Variants in DLGAP1 observed in about 807,000 individuals in gnomAD.
DLGAP1 encodes DLG associated protein 1.
DLGAP1 carries 11 observed loss-of-function variants against 90.8 expected under a neutral mutation model. The ratio of observed to expected loss-of-function variants is 0.12; its 90% confidence interval spans 0.08 to 0.20. The LOEUF is 0.20. Among genes scored for constraint, DLGAP1 ranks in the 10% least tolerant of loss-of-function variants. The pLI, the probability that DLGAP1 is intolerant of heterozygous loss-of-function variation, is 1.00. For synonymous variants in DLGAP1, 558 were observed against 540.7 expected, an observed-to-expected ratio of 1.03 and a Z score of -0.44; for missense variants, 1,050 against 1,333.8, an observed-to-expected ratio of 0.79 and a Z score of 3.31.
At chr18:4,317,606 T>C (rs1035924614) in intron 1 of DLGAP1, among the ~76,000 whole-genome samples, 1 of 152,230 alleles carries the variant, frequency 6.6e-6, no homozygotes, top group Non-Finnish European at 1.5e-5. Flanking sequence ...TTCACTGAAT[T>C]CAGATATTAA....
At chr18:4,210,112 G>C (rs565510068) in intron 1 of DLGAP1, among the ~76,000 whole-genome samples, 1 of 152,230 alleles carries the variant, frequency 6.6e-6, no homozygotes, top group Admixed American at 6.5e-5. Context: ...CCTTCCATTT[G>C]TTCCCATGGA....
At chr18:3,551,698 CCCTCCCTCCCTCCCT>C (rs2053459476) in intron 9 of DLGAP1, among the ~76,000 whole-genome samples, 1 of 15,840 alleles carries the variant, frequency 6.3e-5, no homozygotes, top group Non-Finnish European at 1.1e-4. Flanking sequence ...CTCCCTCCCT[CCCTCCCTCCCTCCCT>C]CCCTCCCTCC....
chr18:4,263,036 G>A (rs530720479), intron 1 of DLGAP1, among the ~76,000 whole-genome samples: 5 of 152,016 alleles, frequency 3.3e-5, no homozygotes, highest in Non-Finnish European at 5.9e-5. Flanking sequence ...GTGTTCAAGC[G>A]ATTCTCCTGC....
intron 7 of DLGAP1, among the ~76,000 whole-genome samples, chr18:3,710,319 CT>C (rs1428905966): frequency 6.6e-6 from 1 of 152,202 alleles, no homozygotes; most frequent in African/African-American, 2.4e-5. Flanking sequence ...TCACCTGCCC[CT>C]GCAGATTTTT....
At chr18:4,440,208 A>G (rs887579445) in intron 1 of DLGAP1, among the ~76,000 whole-genome samples, 3 of 150,796 alleles carry the variant, frequency 2.0e-5, no homozygotes, top group African/African-American at 7.3e-5. Context: ...AGGACTGGGG[A>G]GTTATGAGGG....
chr18:3,797,297 G>T lies in DLGAP1; in HGVS notation c.1172+16762C>A, dbSNP rs138099313. On this transcript the variant is annotated intron_variant, in intron 5 of 12. Transcript: ENST00000315677. ...GCCGGGATCGCGCCACTGCACTCCAGCCTGGCAACACAGCAAGACTGTCTC... is the reference window on the plus strand; with the variant it reads ...GCCGGGATCGCGCCACTGCACTCCATCCTGGCAACACAGCAAGACTGTCTC... Among the ~76,000 whole-genome samples, 879 of 151,128 alleles carry T rather than the reference G, an allele frequency of 5.8e-3. 7 individuals are homozygous for T. Among genetic ancestry groups the T allele is most frequent in the African/African-American group, 0.021 (854 of 41,018 alleles).
chr18:3,637,696 A>G (rs939234593), intron 7 of DLGAP1, among the ~76,000 whole-genome samples: 1 of 151,978 alleles, frequency 6.6e-6, no homozygotes, highest in Non-Finnish European at 1.5e-5. Flanking sequence ...TCAATGAGCC[A>G]TGATTGTGCC....
Position 3,879,097 on chromosome 18 carries a change from T to C in DLGAP1, c.957+15A>G. The C allele has an allele frequency of 6.7e-7, 1 of 1,484,742 alleles. No homozygotes were observed. The highest frequency in any genetic ancestry group is 9.0e-7 in the Non-Finnish European group (1 of 1,117,276). The allele number at this position is 1,484,742 out of a possible 1,614,324, so 92.0% of individuals were successfully genotyped here. On this transcript the variant is annotated intron_variant, in intron 4 of 12. Coordinates refer to ENST00000315677, the MANE Select transcript of DLGAP1 (RefSeq NM_004746.4). This position sits in a 1 kb window ranked among gnomAD's most constrained non-coding sequence, Gnocchi z 6.6. ...GGTACTACTTCTAAGCCTCCATCAT[T>C]GACAGAAATGGTACCTGCAGGTACT...
At chr18:4,429,065 A>C (rs1467236530) in intron 1 of DLGAP1, among the ~76,000 whole-genome samples, 1 of 152,200 alleles carries the variant, frequency 6.6e-6, no homozygotes, top group Non-Finnish European at 1.5e-5. Context: ...AAATCTCAAA[A>C]CAGTCCTAAG....
chr18:4,397,860 A>G (rs1246603389), intron 1 of DLGAP1, among the ~76,000 whole-genome samples: 1 of 152,132 alleles, frequency 6.6e-6, no homozygotes, highest in Non-Finnish European at 1.5e-5. Context: ...TTTTCAGGAC[A>G]TTTTTATCTG....
intron 1 of DLGAP1, among the ~76,000 whole-genome samples, chr18:4,421,343 T>G (rs1427817186): frequency 6.6e-6 from 1 of 152,136 alleles, no homozygotes; most frequent in Non-Finnish European, 1.5e-5. Context: ...TAAGGATACA[T>G]GCAATTACAC....
At chr18:3,502,796 T>A in intron 11 of DLGAP1, 151 bp from the exon 12 acceptor site, 1 of 815,684 alleles carries the variant, frequency 1.2e-6, no homozygotes, top group Non-Finnish European at 1.9e-6. Flanking sequence ...TTACAAATGT[T>A]AATTTTATAC....
chr18:3,544,111 C>T (rs748317391), intron 9 of DLGAP1, among the ~76,000 whole-genome samples: 43 of 152,060 alleles, frequency 2.8e-4, no homozygotes, highest in African/African-American at 9.4e-4. Context: ...GAAAGTAGGC[C>T]GGGCACGGTG....
intron 7 of DLGAP1, among the ~76,000 whole-genome samples, chr18:3,678,201 A>T (rs2060382533): frequency 6.6e-6 from 1 of 152,064 alleles, no homozygotes; most frequent in Non-Finnish European, 1.5e-5. Context: ...ACCTCCAGTG[A>T]TCTGCCTGCC....
In DLGAP1 at chr18:4,083,819, C is replaced by T. The variant is rs192039082; in HGVS notation, c.-159+67361G>A. Among the ~76,000 whole-genome samples the T allele has an allele frequency of 2.7e-3, 413 of 152,178 alleles. 3 individuals carry two copies. The highest frequency in any genetic ancestry group is 5.2e-3 in the Admixed American group (80 of 15,290). On this transcript the variant is annotated intron_variant, in intron 2 of 12. Coordinates refer to ENST00000315677, the MANE Select transcript of DLGAP1 (RefSeq NM_004746.4). ...TCTAGGGTTGAGTGTTGACAGCTCC[C>T]GAGGCCCCAGTAGGCAAGTGTTACA...
Position 3,601,509 on chromosome 18 carries a change from C to G in DLGAP1, c.1592-19261G>C, listed in dbSNP as rs2057022693. Among the ~76,000 whole-genome samples, 4 of 151,934 alleles carry G rather than the reference C, an allele frequency of 2.6e-5. No homozygotes were observed. The South Asian group carries it at 8.3e-4, about 31-fold the overall frequency. ...CTCTTCCCAACCCCTCCTTTCCCAT[C>G]TGCTACCCTCAGGCTACAGTTCGAC... On this transcript the variant is annotated intron_variant, in intron 7 of 12. Transcript: ENST00000315677.
At chr18:3,639,976 G>A (rs927187617) in intron 7 of DLGAP1, among the ~76,000 whole-genome samples, 14 of 151,410 alleles carry the variant, frequency 9.2e-5, no homozygotes, top group African/African-American at 3.2e-4. Context: ...GGATGGTCTC[G>A]ATCTCCTGAC....
intron 8 of DLGAP1, among the ~76,000 whole-genome samples, chr18:3,575,377 C>T (rs891917488): frequency 6.6e-6 from 1 of 152,062 alleles, no homozygotes. Flanking sequence ...GAAGATTAAG[C>T]TGTTCTTTTC....
intron 3 of DLGAP1, among the ~76,000 whole-genome samples, chr18:3,975,565 C>A (rs1169781204): frequency 6.6e-6 from 1 of 152,104 alleles, no homozygotes; most frequent in Non-Finnish European, 1.5e-5. Context: ...CCAGCAATCC[C>A]ACTATGGGTA....
Sources: allele counts gnomAD v4.1 joint callset (sites outside exome capture counted in the v4.1 genomes callset), GRCh38; gene constraint gnomAD v4.1.1; non-coding constraint Gnocchi (gnomAD v3.1); transcripts MANE v1.5; gene names NCBI Gene and HGNC (gene_info 2026-07-23, HGNC 2026-07-21).